Variants in MYO3A observed in about 807,000 individuals in gnomAD.
MYO3A encodes the protein myosin IIIA, also known as myosin-IIIa.
In MYO3A, 180 loss-of-function variants were observed where a neutral mutation model predicts 192.7. The observed-to-expected ratio is 0.93, with a 90% CI of 0.83 to 1.06. MYO3A has a LOEUF of 1.06. Ranked by LOEUF, MYO3A falls within the 50% of genes least tolerant of loss-of-function variation. The pLI is 0.00. For synonymous variants in MYO3A, 628 were observed against 645.3 expected (o/e 0.97, Z 0.41); for missense variants, 1,896 against 1,905.0 (o/e 1.00, Z 0.09).
chr10:26,007,736 T>C (rs12262064), intron 6 of MYO3A, among the ~76,000 whole-genome samples: 3,806 of 147,802 alleles, frequency 0.026, 186 homozygotes, highest in African/African-American at 0.094. Context: ...TAAAAGAGGA[T>C]ACAAACAAAT....
At chr10:26,086,392 G>A (rs1394195251) in intron 14 of MYO3A, among the ~76,000 whole-genome samples, 1 of 152,098 alleles carries the variant, frequency 6.6e-6, no homozygotes, top group African/African-American at 2.4e-5. Flanking sequence ...ATGAGATTTG[G>A]GTGGGGACAC....
Position 26,145,443 on chromosome 10 carries a change from C to A in MYO3A, c.2417-3C>A. On this transcript the variant is annotated splice_region_variant and splice_polypyrimidine_tract_variant and intron_variant, in intron 21 of 34. Transcript: ENST00000642920. ...GATATTTGAGTTCAGTATTTTTCTA[C>A]AGAAAAATTTGAAGGTAACCTGAAA... is the stretch of plus-strand genomic sequence containing the variant. 1 of 1,576,150 alleles carries A rather than the reference C, an allele frequency of 6.3e-7. No individual in the cohort carries two copies.
intron 31 of MYO3A, among the ~76,000 whole-genome samples, chr10:26,183,790 TC>T (rs1229772531): frequency 6.6e-6 from 1 of 151,944 alleles, no homozygotes; most frequent in Non-Finnish European, 1.5e-5. Flanking sequence ...GCGAGTCAGA[TC>T]CCCTAAATAG....
At chr10:26,036,318 T>G (rs1028128190) in intron 10 of MYO3A, among the ~76,000 whole-genome samples, 5 of 152,200 alleles carry the variant, frequency 3.3e-5, no homozygotes, top group African/African-American at 4.8e-5. Flanking sequence ...TAACTTATCC[T>G]TGAAATGTTT....
intron 17 of MYO3A, among the ~76,000 whole-genome samples, chr10:26,114,498 C>T (rs1838385311): frequency 1.3e-5 from 2 of 152,148 alleles, no homozygotes; most frequent in African/African-American, 4.8e-5. Flanking sequence ...AACAACTTGG[C>T]TTAGTGAGAT....
At chr10:25,959,802 GGTGT>G (rs10543438) in intron 4 of MYO3A, among the ~76,000 whole-genome samples, 5,303 of 149,316 alleles carry the variant, frequency 0.036, 297 homozygotes, top group African/African-American at 0.12. Context: ...TCTTAACCTG[GGTGT>G]GTGTGTGTGT....
At chr10:26,143,725 C>A in intron 21 of MYO3A, 124 bp downstream of exon 21, 2 of 1,209,642 alleles carry the variant, frequency 1.7e-6, no homozygotes, top group Non-Finnish European at 2.4e-6. Flanking sequence ...GCATATTTGA[C>A]TTTAAAGAAG....
At chr10:26,104,868 C>T (rs1259863084) in intron 17 of MYO3A, among the ~76,000 whole-genome samples, 1 of 91,966 alleles carries the variant, frequency 1.1e-5, no homozygotes, top group East Asian at 2.1e-4. Context: ...TTTATAGATA[C>T]ACACACACAC....
chr10:26,191,924 G>A (rs1843152222), intron 31 of MYO3A, among the ~76,000 whole-genome samples: 1 of 152,176 alleles, frequency 6.6e-6, no homozygotes, highest in Non-Finnish European at 1.5e-5. Flanking sequence ...ATGCAAGAAT[G>A]AGCTATTACT....
At chr10:26,023,950 A>G (rs768821643) in intron 8 of MYO3A, 72 bp from the exon 9 acceptor site, 95 of 1,349,600 alleles carry the variant, frequency 7.0e-5, no homozygotes, top group Middle Eastern at 3.6e-4. Flanking sequence ...GCATTAGTCT[A>G]TCTGGCTCTG....
intron 18 of MYO3A, among the ~76,000 whole-genome samples, chr10:26,123,254 AAAG>A (rs1362605771): frequency 2.6e-5 from 4 of 152,202 alleles, no homozygotes; most frequent in Admixed American, 1.3e-4. Flanking sequence ...TATACTAAAA[AAAG>A]AAAGCATAAA....
chr10:26,118,868 G>A (rs1489119799), intron 17 of MYO3A, among the ~76,000 whole-genome samples: 1 of 152,038 alleles, frequency 6.6e-6, no homozygotes, highest in African/African-American at 2.4e-5. Flanking sequence ...CTGACCTCAA[G>A]TGATCTGCCC....
chr10:25,957,979 G>A (rs1457874493), intron 4 of MYO3A, among the ~76,000 whole-genome samples: 1 of 152,124 alleles, frequency 6.6e-6, no homozygotes, highest in Non-Finnish European at 1.5e-5. Flanking sequence ...ACAGATGCTG[G>A]ATATTAGACC....
chr10:26,111,786 G>T (rs1384356361), intron 17 of MYO3A, among the ~76,000 whole-genome samples: 2 of 152,220 alleles, frequency 1.3e-5, no homozygotes, highest in African/African-American at 4.8e-5. Flanking sequence ...TTGGATGCCT[G>T]GTTAGGGGAA....
At chr10:25,959,536 T>C (rs1837789568) in intron 4 of MYO3A, among the ~76,000 whole-genome samples, 1 of 152,122 alleles carries the variant, frequency 6.6e-6, no homozygotes, top group Non-Finnish European at 1.5e-5. Context: ...TATTGTTCAT[T>C]ACACTTTTGG....
At position 26,170,401 on chromosome 10, in the gene MYO3A, C is replaced by G; in HGVS notation, c.3275-15C>G. Reference sequence around the variant, plus strand: ...TGTTTATAATTAACACTACTATGGGCTTTCTGTGTTTCAGCTGCAAGAGGA... The same window carrying G: ...TGTTTATAATTAACACTACTATGGGGTTTCTGTGTTTCAGCTGCAAGAGGA... On this transcript the variant is annotated splice_polypyrimidine_tract_variant and intron_variant, in intron 28 of 34. Coordinates refer to ENST00000642920, the MANE Select transcript of MYO3A (RefSeq NM_017433.5). 6.2e-7 allele frequency: 1 copy of G among 1,612,578 alleles called. No individual in the cohort carries two copies.
intron 24 of MYO3A, among the ~76,000 whole-genome samples, chr10:26,154,218 G>A (rs2131911421): frequency 6.6e-6 from 1 of 152,194 alleles, no homozygotes; most frequent in South Asian, 2.1e-4. Context: ...GTCTCACTCT[G>A]TCACCCAGGC....
intron 10 of MYO3A, among the ~76,000 whole-genome samples, chr10:26,047,632 G>A (rs34486044): frequency 0.16 from 24,536 of 151,738 alleles, 2,275 homozygotes; most frequent in Non-Finnish European, 0.21. Context: ...AAAATTAGCC[G>A]GGCGTGGTGG....
intron 2 of MYO3A, among the ~76,000 whole-genome samples, chr10:25,950,765 A>G (rs1837159447): frequency 1.3e-5 from 2 of 152,250 alleles, no homozygotes; most frequent in South Asian, 4.1e-4. Flanking sequence ...AAAGAAAGTT[A>G]AAGATCAGTG....
Sources: gnomAD v4.1 joint callset for allele counts (sites outside exome capture counted in the v4.1 genomes callset) on GRCh38, gnomAD v4.1.1 for gene constraint, MANE v1.5 for transcripts, NCBI Gene and HGNC (gene_info 2026-07-23, HGNC 2026-07-21) for gene names.